Variants in PRKG1 observed in about 807,000 individuals in gnomAD.
PRKG1 encodes the protein cGMP-dependent protein kinase 1.
A neutral mutation model predicts 88.1 loss-of-function variants in PRKG1; 35 were observed. The ratio of observed to expected loss-of-function variants is 0.40; its 90% CI spans 0.30 to 0.53. The LOEUF (loss-of-function observed/expected upper bound fraction) is 0.53, where lower values mean the gene tolerates loss of function less well. Among genes scored for constraint, PRKG1 ranks in the 20% least tolerant of loss-of-function variants. The pLI, the probability that PRKG1 is intolerant of heterozygous loss-of-function variation, is 0.59. For missense variants in PRKG1, 540 were observed against 839.8 expected, an observed-to-expected ratio of 0.64 and a Z score of 4.41; for synonymous variants, 303 against 292.5, an observed-to-expected ratio of 1.04 and a Z score of -0.37.
chr10:51,272,693 TC>T (rs1840012761), intron 2 of PRKG1, among the ~76,000 whole-genome samples: 1 of 152,114 alleles, frequency 6.6e-6, no homozygotes. Flanking sequence ...AGCAGCATGG[TC>T]AGGAAATTTG....
intron 2 of PRKG1, among the ~76,000 whole-genome samples, chr10:51,322,761 A>G (rs918336754): frequency 6.6e-6 from 1 of 152,202 alleles, no homozygotes; most frequent in African/African-American, 2.4e-5. Flanking sequence ...ATACAGCACT[A>G]CTAGCTTGCA....
At chr10:52,236,511 A>C (rs1401603983) in intron 9 of PRKG1, among the ~76,000 whole-genome samples, 3 of 55,974 alleles carry the variant, frequency 5.4e-5, no homozygotes, top group African/African-American at 2.7e-4. Context: ...CAGAAATACA[A>C]ACTACCATCA....
At chr10:52,088,075 G>A (rs1846960814) in intron 7 of PRKG1, among the ~76,000 whole-genome samples, 1 of 152,026 alleles carries the variant, frequency 6.6e-6, no homozygotes, top group South Asian at 2.1e-4. Context: ...TGCCATAAGT[G>A]TTTCACATCC....
chr10:51,968,155 A>G (rs1276534567), intron 5 of PRKG1, among the ~76,000 whole-genome samples: 1 of 152,180 alleles, frequency 6.6e-6, no homozygotes, highest in Non-Finnish European at 1.5e-5. Context: ...TTAGAGATGC[A>G]GATCTTGCCT....
chr10:51,213,792 G>A (rs1260331651), intron 2 of PRKG1, among the ~76,000 whole-genome samples: 1 of 152,000 alleles, frequency 6.6e-6, no homozygotes, highest in Non-Finnish European at 1.5e-5. Flanking sequence ...GTGTGTGCAG[G>A]GGTGAGAGAG....
intron 14 of PRKG1, among the ~76,000 whole-genome samples, chr10:52,284,498 T>A (rs1170874673): frequency 1.9e-5 from 1 of 52,388 alleles, no homozygotes; most frequent in African/African-American, 6.3e-5. Flanking sequence ...TGGCCAGGGG[T>A]GGGGGTGGGA....
intron 6 of PRKG1, among the ~76,000 whole-genome samples, chr10:52,061,924 A>T (rs1490371842): frequency 6.6e-6 from 1 of 152,090 alleles, no homozygotes; most frequent in South Asian, 2.1e-4. Context: ...TAGGATATGC[A>T]TATGGAGGCA....
At chr10:51,673,488 A>C (rs976277849) in intron 3 of PRKG1, among the ~76,000 whole-genome samples, 2 of 152,096 alleles carry the variant, frequency 1.3e-5, no homozygotes, top group Admixed American at 6.6e-5. Context: ...TGTGGTAGTG[A>C]GGAGTTTCAG....
intron 3 of PRKG1, among the ~76,000 whole-genome samples, chr10:51,580,874 C>T (rs1004954401): frequency 5.9e-5 from 9 of 152,046 alleles, no homozygotes; most frequent in Non-Finnish European, 8.8e-5. Context: ...GCGGGGTGGT[C>T]TCCTACTTCC....
rs1390321364 is a variant in PRKG1, at chr10:51,892,987, G to A, written c.699-14520G>A. On this transcript the variant is annotated intron_variant, in intron 4 of 17. Transcript: ENST00000373980. ...TATTTAATTCCATAAAAATGTATAT[G>A]ATTTTATTTTTGATGCAGGCATATG... Among the ~76,000 whole-genome samples, 7 of 152,196 alleles carry A rather than the reference G, an allele frequency of 4.6e-5. No homozygotes were observed. The East Asian group carries it at 1.4e-3, about 29-fold the overall frequency.
chr10:51,830,422 T>C (rs1333568919), intron 4 of PRKG1, among the ~76,000 whole-genome samples: 3 of 152,164 alleles, frequency 2.0e-5, no homozygotes, highest in Non-Finnish European at 4.4e-5. Flanking sequence ...TTTGGAAATT[T>C]TGTTCCAGGT....
At chr10:51,650,877 C>T (rs1306675902) in intron 3 of PRKG1, among the ~76,000 whole-genome samples, 2 of 152,144 alleles carry the variant, frequency 1.3e-5, no homozygotes, top group Non-Finnish European at 2.9e-5. Flanking sequence ...CAGTTGCCTA[C>T]TGTGTAATCA....
intron 1 of PRKG1, among the ~76,000 whole-genome samples, chr10:51,057,880 G>T (rs1313409169): frequency 6.6e-6 from 1 of 152,046 alleles, no homozygotes; most frequent in Admixed American, 6.6e-5. Flanking sequence ...ATATCCTTAG[G>T]ATTGGACTTT....
At chr10:51,854,475 G>A (rs565038433) in intron 4 of PRKG1, among the ~76,000 whole-genome samples, 19 of 152,002 alleles carry the variant, frequency 1.2e-4, no homozygotes, top group East Asian at 3.9e-4. Context: ...GGAAATAACC[G>A]GTATTTTAGT....
chr10:51,561,330 C>A (rs758787304), intron 3 of PRKG1, among the ~76,000 whole-genome samples: 1 of 151,772 alleles, frequency 6.6e-6, no homozygotes, highest in East Asian at 1.9e-4. Context: ...CAGAGTGAGA[C>A]CCTGTCTCAA....
intron 3 of PRKG1, among the ~76,000 whole-genome samples, chr10:51,732,558 T>C (rs996272011): frequency 3.3e-5 from 5 of 152,198 alleles, no homozygotes; most frequent in African/African-American, 7.2e-5. Context: ...TTTTTTGATA[T>C]GGAATGCATG....
intron 3 of PRKG1, among the ~76,000 whole-genome samples, chr10:51,616,633 G>C (rs1019658208): frequency 6.6e-6 from 1 of 152,172 alleles, no homozygotes; most frequent in African/African-American, 2.4e-5. Context: ...CATAAGGAAA[G>C]GGGTGGTTAG....
intron 2 of PRKG1, among the ~76,000 whole-genome samples, chr10:51,265,646 T>C (rs777326518): frequency 1.3e-5 from 2 of 152,184 alleles, no homozygotes. Context: ...GTCTACACTT[T>C]AGCAGAGAAA....
chr10:51,257,592 C>G (rs908260629), intron 2 of PRKG1, among the ~76,000 whole-genome samples: 1 of 152,174 alleles, frequency 6.6e-6, no homozygotes. Context: ...TTCTAACTCT[C>G]AACTCTGCTT....
Sources: allele counts gnomAD v4.1 joint callset (sites outside exome capture counted in the v4.1 genomes callset), GRCh38; gene constraint gnomAD v4.1.1; transcripts MANE v1.5; gene names NCBI Gene and HGNC (gene_info 2026-07-23, HGNC 2026-07-21).